Variants in NT5E observed in about 807,000 individuals in gnomAD.
NT5E encodes the protein 5'-nucleotidase.
NT5E carries 53 observed loss-of-function variants against 55.1 expected under a neutral mutation model. The ratio of observed to expected loss-of-function variants is 0.96; its 90% CI spans 0.77 to 1.21. The LOEUF is 1.21. NT5E is among the 50% of genes most tolerant of loss of function. NT5E has a pLI of 0.00. For missense variants in NT5E, 683 were observed against 724.3 expected (o/e 0.94, Z 0.65); for synonymous variants, 270 against 278.4 (o/e 0.97, Z 0.30).
At chr6:85,473,709 T>G (rs1275025291) in intron 3 of NT5E, among the ~76,000 whole-genome samples, 1 of 152,220 alleles carries the variant, frequency 6.6e-6, no homozygotes, top group Non-Finnish European at 1.5e-5. Context: ...TTTTCTGTTT[T>G]ACTGTTTTAT....
chr6:85,471,467 T>G (rs1411799463), intron 3 of NT5E, 42 bp downstream of exon 3: 1 of 1,566,782 alleles, frequency 6.4e-7, no homozygotes, highest in Admixed American at 1.7e-5. Flanking sequence ...GATGTCCAGA[T>G]AAGCACTGTG....
intron 1 of NT5E, among the ~76,000 whole-genome samples, chr6:85,455,701 T>A (rs1768974891): frequency 6.6e-6 from 1 of 152,218 alleles, no homozygotes; most frequent in Admixed American, 6.5e-5. Context: ...AGGCTTGTGA[T>A]CAGCCTGAAG....
intron 1 of NT5E, among the ~76,000 whole-genome samples, chr6:85,459,212 T>G (rs923606966): frequency 1.3e-5 from 2 of 152,244 alleles, no homozygotes; most frequent in Non-Finnish European, 1.5e-5. Context: ...AATCATCCCT[T>G]CTTGCCTCCC....
intron 1 of NT5E, among the ~76,000 whole-genome samples, chr6:85,455,105 G>A (rs1768962625): frequency 6.6e-6 from 1 of 152,148 alleles, no homozygotes; most frequent in Admixed American, 6.6e-5. Context: ...GCAGCCATGT[G>A]GTTTCTGCGT....
At chr6:85,487,235 T>C in intron 4 of NT5E, 100 bp from the exon 5 acceptor site, 1 of 1,107,764 alleles carries the variant, frequency 9.0e-7, no homozygotes. Flanking sequence ...TAAACAAATA[T>C]GTTCTCACAG....
intron 1 of NT5E, among the ~76,000 whole-genome samples, chr6:85,460,892 A>G (rs765956089): frequency 2.6e-5 from 4 of 152,198 alleles, no homozygotes; most frequent in Non-Finnish European, 4.4e-5. Flanking sequence ...GTTGGCCTGC[A>G]TTGTCTGCAG....
In NT5E at chr6:85,450,171, C is replaced by T; in HGVS notation, c.32C>T (p.Thr11Met). 2 of 1,601,234 alleles carry T rather than the reference C, an allele frequency of 1.2e-6. No individual in the cohort carries two copies. The highest frequency in any genetic ancestry group is 8.5e-7 in the Non-Finnish European group (1 of 1,175,532). The change falls in exon 1 of 9, where the codon ACG (threonine) becomes ATG (methionine). Residue 11 changes from threonine to methionine, a missense_variant. Transcript: ENST00000257770. This position sits in a 1 kb window ranked among gnomAD's most constrained non-coding sequence, Gnocchi z 4.0. ...CCCCGAGCCGCGCGGGCGCCCGCGA[C>T]GCTACTCCTCGCCCTGGGCGCGGTG... Reference protein sequence around the residue: MCPRAARAPATLLLALGAVLW... With the variant: MCPRAARAPAMLLLALGAVLW...
At chr6:85,486,514 G>C (rs918244094) in intron 4 of NT5E, among the ~76,000 whole-genome samples, 6 of 152,036 alleles carry the variant, frequency 3.9e-5, no homozygotes, top group Non-Finnish European at 5.9e-5. Context: ...CCGTTTATAG[G>C]CTCCCCACAA....
intron 1 of NT5E, among the ~76,000 whole-genome samples, chr6:85,461,034 G>A (rs2127755067): frequency 6.6e-6 from 1 of 152,308 alleles, no homozygotes; most frequent in African/African-American, 2.4e-5. Flanking sequence ...GATCAAAGCA[G>A]TCCCTCTCCC....
intron 3 of NT5E, among the ~76,000 whole-genome samples, chr6:85,475,310 G>C (rs1769407738): frequency 6.6e-6 from 1 of 152,114 alleles, no homozygotes; most frequent in African/African-American, 2.4e-5. Flanking sequence ...TTGTATTGTA[G>C]CTTGCTCATA....
At chr6:85,474,378 G>A (rs1408100331) in intron 3 of NT5E, among the ~76,000 whole-genome samples, 1 of 152,184 alleles carries the variant, frequency 6.6e-6, no homozygotes, top group East Asian at 1.9e-4. Flanking sequence ...CACAGTTAGA[G>A]ACAGCCAACT....
intron 1 of NT5E, among the ~76,000 whole-genome samples, chr6:85,454,892 G>A (rs1305914255): frequency 1.3e-5 from 2 of 152,172 alleles, no homozygotes; most frequent in South Asian, 4.1e-4. Flanking sequence ...TTACCTCTGA[G>A]GTCCCATACA....
intron 2 of NT5E, among the ~76,000 whole-genome samples, chr6:85,469,357 C>A (rs1769258680): frequency 6.6e-6 from 1 of 152,042 alleles, no homozygotes; most frequent in Non-Finnish European, 1.5e-5. Flanking sequence ...TTAGTCATTC[C>A]CCTGGGTACC....
intron 3 of NT5E, among the ~76,000 whole-genome samples, chr6:85,471,993 C>G (rs914487540): frequency 6.6e-6 from 1 of 152,130 alleles, no homozygotes; most frequent in Non-Finnish European, 1.5e-5. Context: ...ACCTGACTAC[C>G]CCCACCACTC....
intron 6 of NT5E, among the ~76,000 whole-genome samples, chr6:85,490,061 A>G (rs139608671): frequency 9.4e-4 from 143 of 152,318 alleles, no homozygotes; most frequent in Non-Finnish European, 1.5e-3. Context: ...AATCAACTAC[A>G]CAAATACTCA....
At position 85,487,318 on chromosome 6, in the gene NT5E, TC is replaced by T. The variant is rs1483893566; in HGVS notation, c.950-16del. 6.2e-7 allele frequency: 1 copy of T among 1,609,284 alleles called. No homozygotes were observed. The highest frequency in any genetic ancestry group is 8.5e-7 in the Non-Finnish European group (1 of 1,175,652). On this transcript the variant is annotated splice_polypyrimidine_tract_variant and intron_variant, in intron 4 of 8. Coordinates refer to ENST00000257770, the MANE Select transcript of NT5E (RefSeq NM_002526.4). ...TGTGAGATTTAATTGTAGGGTACCTTCTTTTCTTTCTTCTAGATCCAAGCAT... is the reference window on the plus strand; with the variant it reads ...TGTGAGATTTAATTGTAGGGTACCTTTTTTCTTTCTTCTAGATCCAAGCAT...
At chr6:85,475,349 C>T (rs1208127665) in intron 3 of NT5E, among the ~76,000 whole-genome samples, 1 of 152,146 alleles carries the variant, frequency 6.6e-6, no homozygotes, top group African/African-American at 2.4e-5. Context: ...TCAAATAAGG[C>T]ATGACTAAAA....
At chr6:85,488,119 A>G (rs1769703627) in intron 5 of NT5E, among the ~76,000 whole-genome samples, 1 of 152,206 alleles carries the variant, frequency 6.6e-6, no homozygotes, top group Non-Finnish European at 1.5e-5. Flanking sequence ...ACACAGTTTT[A>G]ATGGTAATAA....
rs759455902 is a variant in NT5E at position 85,450,100 on chromosome 6, C to T, written c.-40C>T. 1.9e-5 allele frequency: 28 copies of T among 1,508,380 alleles called. No homozygotes were observed. Among genetic ancestry groups the T allele is most frequent in the Middle Eastern group, 2.3e-4 (1 of 4,410 alleles). The allele number at this position is 1,508,380 out of a possible 1,614,324, so 93.4% of individuals were successfully genotyped here. A position where few individuals can be genotyped will look rare whatever the true frequency, so the allele number is the denominator to read the frequency against. ...TCGCCCCTACTCGCCGGCACTCGCC[C>T]GGCTCGCCCGCTTTCGCACCCAGTT... On this transcript the variant is annotated 5_prime_UTR_variant, in exon 1 of 9. Transcript: ENST00000257770. The surrounding 1 kb of genome is among the most constrained non-coding windows in gnomAD (Gnocchi z 4.0).
Sources: gnomAD v4.1 joint callset for allele counts (sites outside exome capture counted in the v4.1 genomes callset) on GRCh38, gnomAD v4.1.1 for gene constraint, Gnocchi (gnomAD v3.1) non-coding constraint, MANE v1.5 for transcripts, NCBI Gene and HGNC (gene_info 2026-07-23, HGNC 2026-07-21) for gene names.